LTBP1: variants seen among roughly 807,000 people sequenced by gnomAD.
LTBP1 encodes the protein latent-transforming growth factor beta-binding protein 1.
LTBP1 carries 129 observed loss-of-function variants against 207.6 expected under a neutral mutation model. The observed-to-expected ratio is 0.62, with a 90% CI of 0.54 to 0.72. The LOEUF (loss-of-function observed/expected upper bound fraction) is 0.72. LTBP1 is among the 30% of genes least tolerant of loss of function. The pLI, the probability that LTBP1 is intolerant of heterozygous loss-of-function variation, is 0.00. For missense variants in LTBP1, 2,281 were observed against 2,217.2 expected (o/e 1.03, Z -0.58); for synonymous variants, 963 against 833.7 (o/e 1.16, Z -2.67).
intron 7 of LTBP1, among the ~76,000 whole-genome samples, chr2:33,195,158 C>T (rs2088405366): frequency 6.6e-6 from 1 of 152,178 alleles, no homozygotes; most frequent in Non-Finnish European, 1.5e-5. Flanking sequence ...TGTTTTCATG[C>T]CTGCAATCAC....
chr2:32,982,307 G>C (rs533614114), intron 2 of LTBP1, among the ~76,000 whole-genome samples: 2 of 152,172 alleles, frequency 1.3e-5, no homozygotes, highest in Non-Finnish European at 2.9e-5. Context: ...ATGATTTGGG[G>C]TATCTGGTGG....
At chr2:33,388,422 G>A (rs991632931) in intron 31 of LTBP1, among the ~76,000 whole-genome samples, 3 of 152,206 alleles carry the variant, frequency 2.0e-5, no homozygotes, top group African/African-American at 7.2e-5. Flanking sequence ...TTCAAATCAG[G>A]TTCTGCCACA....
At chr2:33,310,095 C>T (rs1227021089) in intron 23 of LTBP1, among the ~76,000 whole-genome samples, 2 of 151,934 alleles carry the variant, frequency 1.3e-5, no homozygotes, top group East Asian at 3.9e-4. Context: ...TTACAGGCGC[C>T]TGCCACCACA....
intron 2 of LTBP1, among the ~76,000 whole-genome samples, chr2:33,013,878 G>A (rs1410569156): frequency 2.0e-5 from 3 of 152,066 alleles, no homozygotes; most frequent in South Asian, 2.1e-4. Context: ...TGACATAAAG[G>A]CATTAAACTC....
chr2:32,960,411 GAA>G, intron 2 of LTBP1, among the ~76,000 whole-genome samples: 1 of 152,082 alleles, frequency 6.6e-6, no homozygotes, highest in Middle Eastern at 3.5e-3. Context: ...ATGAATGAAT[GAA>G]TGAATGAATG....
rs1325142619 is a variant in LTBP1 at position 33,056,391 on chromosome 2, T to G, written c.863+35185T>G. On this transcript the variant is annotated intron_variant, in intron 3 of 33. Coordinates refer to ENST00000404816, the MANE Select transcript of LTBP1 (RefSeq NM_206943.4). ...CTTTGGTAACAGAATGGCCTGGATGTTAGGCAAAATGCCGCCCTGGGCGAT... is the reference window on the plus strand; with the variant it reads ...CTTTGGTAACAGAATGGCCTGGATGGTAGGCAAAATGCCGCCCTGGGCGAT... 7 of 1,245,962 alleles carry G rather than the reference T, an allele frequency of 5.6e-6. No homozygotes were observed. In the South Asian group the frequency reaches 1.3e-4, roughly 23 times the overall value. The allele number at this position is 1,245,962 out of a possible 1,614,324, so 77.2% of individuals were successfully genotyped here. A position where few individuals can be genotyped will look rare whatever the true frequency, so the allele number is the denominator to read the frequency against.
intron 7 of LTBP1, among the ~76,000 whole-genome samples, chr2:33,216,587 G>A (rs960158701): frequency 6.6e-6 from 1 of 152,184 alleles, no homozygotes; most frequent in Admixed American, 6.5e-5. Flanking sequence ...TCTGGAAACT[G>A]TTGGGAGGAT....
chr2:33,110,629 C>T lies in LTBP1; in HGVS notation c.911C>T (p.Thr304Ile), dbSNP rs767335683. The T allele has an allele frequency of 1.9e-6, 3 of 1,614,132 alleles. No homozygotes were observed. The South Asian group carries it at 3.3e-5, about 18-fold the overall frequency. ...SQSVVIHHGQ[T>I]QEYVLKPKYF... ...AGTGTGGTGATTCACCATGGCCAGA[C>T]CCAGGAATACGTGCTCAAGCCCAAG... Residue 304 changes from threonine to isoleucine, a missense_variant, in exon 4 of 34, where the codon ACC (threonine) becomes ATC (isoleucine). Thr to Ile is a moderately conservative substitution (Grantham distance 89). Coordinates refer to ENST00000404816, the MANE Select transcript of LTBP1 (RefSeq NM_206943.4).
At chr2:33,339,981 A>G (rs1238927741) in intron 24 of LTBP1, among the ~76,000 whole-genome samples, 1 of 152,066 alleles carries the variant, frequency 6.6e-6, no homozygotes, top group Admixed American at 6.6e-5. Flanking sequence ...AAGGTCAGGA[A>G]ATGGAGTTTA....
At chr2:32,983,219 C>T (rs954803957) in intron 2 of LTBP1, among the ~76,000 whole-genome samples, 1 of 152,230 alleles carries the variant, frequency 6.6e-6, no homozygotes, top group Non-Finnish European at 1.5e-5. Flanking sequence ...GGTTTAAAGA[C>T]TGTCCTGTTG....
At chr2:33,014,618 G>T (rs973394934) in intron 2 of LTBP1, among the ~76,000 whole-genome samples, 10 of 152,164 alleles carry the variant, frequency 6.6e-5, no homozygotes, top group African/African-American at 1.9e-4. Flanking sequence ...GCACTGTGTG[G>T]ACTGAGACAA....
intron 2 of LTBP1, among the ~76,000 whole-genome samples, chr2:32,965,695 G>T (rs1319882237): frequency 6.6e-6 from 1 of 152,130 alleles, no homozygotes; most frequent in African/African-American, 2.4e-5. Flanking sequence ...TCCATTGTCT[G>T]GATGTACCAT....
In LTBP1 at chr2:33,055,243, T is replaced by G. The variant is rs2076937093; in HGVS notation, c.863+34037T>G. On this transcript the variant is annotated intron_variant, in intron 3 of 33. Coordinates refer to ENST00000404816, the MANE Select transcript of LTBP1 (RefSeq NM_206943.4). ...CTGATATCTGTGGCTGATTGGGTAT[T>G]AAACTTATCTTTTAGAATCAATTGA... 2.0e-5 allele frequency among the ~76,000 whole-genome samples: 3 copies of G among 152,204 alleles called. No homozygotes were observed. The South Asian group carries it at 6.2e-4, about 32-fold the overall frequency.
At chr2:33,121,999 A>G (rs1443781286) in intron 4 of LTBP1, among the ~76,000 whole-genome samples, 1 of 152,058 alleles carries the variant, frequency 6.6e-6, no homozygotes, top group Non-Finnish European at 1.5e-5. Flanking sequence ...TAATATATGC[A>G]TAGTTCTTTC....
intron 2 of LTBP1, among the ~76,000 whole-genome samples, chr2:32,982,525 G>C (rs1431410879): frequency 6.6e-6 from 1 of 152,166 alleles, no homozygotes; most frequent in Admixed American, 6.5e-5. Flanking sequence ...CACCAAGACA[G>C]TGGGGAAAAT....
chr2:33,394,100 G>C (rs1042158612), intron 32 of LTBP1, among the ~76,000 whole-genome samples: 4 of 152,176 alleles, frequency 2.6e-5, no homozygotes, highest in Non-Finnish European at 5.9e-5. Flanking sequence ...CTTTTGAGAA[G>C]TGTCTGTTCA....
chr2:33,127,289 A>G (rs2081488050), intron 4 of LTBP1, among the ~76,000 whole-genome samples: 1 of 151,336 alleles, frequency 6.6e-6, no homozygotes, highest in African/African-American at 2.4e-5. Flanking sequence ...CATTTCCTTC[A>G]CTATGTCTGC....
chr2:33,251,728 A>G (rs1279408503), intron 10 of LTBP1, among the ~76,000 whole-genome samples: 1 of 151,056 alleles, frequency 6.6e-6, no homozygotes, highest in Non-Finnish European at 1.5e-5. Flanking sequence ...AAGTCAGAAA[A>G]CCTCATTTGT....
chr2:33,356,522 A>T (rs937315463), intron 26 of LTBP1, among the ~76,000 whole-genome samples: 1 of 152,156 alleles, frequency 6.6e-6, no homozygotes, highest in African/African-American at 2.4e-5. Context: ...TACTAAAAAT[A>T]CAAAAAATTC....
Sources: gnomAD v4.1 joint callset for allele counts (sites outside exome capture counted in the v4.1 genomes callset) on GRCh38, gnomAD v4.1.1 for gene constraint, MANE v1.5 for transcripts, NCBI Gene and HGNC (gene_info 2026-07-23, HGNC 2026-07-21) for gene names.